The following ALMS1 variants were observed in gnomAD, a reference collection of about 807,000 sequenced individuals.
The protein encoded by ALMS1 is ALMS1 centrosome and basal body associated protein, also known as centrosome-associated protein ALMS1.
In ALMS1, 271 loss-of-function variants were observed where a neutral mutation model predicts 352.2. The observed-to-expected ratio is 0.77, with a 90% CI of 0.70 to 0.85. The LOEUF is 0.85. Ranked by LOEUF, ALMS1 falls within the 40% of genes least tolerant of loss-of-function variation. The pLI is 0.00. For missense variants in ALMS1, 5,445 were observed against 4,870.7 expected, an observed-to-expected ratio of 1.12 and a Z score of -3.51; for synonymous variants, 1,865 against 1,761.2, an observed-to-expected ratio of 1.06 and a Z score of -1.48.
At chr2:73,607,810 A>ATTTTTTTTTTTTTTTTT (rs537392249) in intron 21 of ALMS1, among the ~76,000 whole-genome samples, 1 of 131,488 alleles carries the variant, frequency 7.6e-6, no homozygotes, top group African/African-American at 2.8e-5. Context: ...TGCCCACCTA[A>ATTTTTTTTTTTTTTTTT]TTTTTTTTTT....
intron 2 of ALMS1, among the ~76,000 whole-genome samples, chr2:73,418,486 A>G (rs1389999903): frequency 6.6e-6 from 1 of 152,214 alleles, no homozygotes; most frequent in African/African-American, 2.4e-5. Flanking sequence ...CATCGCCGCC[A>G]CGAAGAAAGT....
chr2:73,419,406 A>G, intron 3 of ALMS1, 88 bp downstream of exon 3: 1 of 1,304,286 alleles, frequency 7.7e-7, no homozygotes, highest in African/African-American at 1.5e-5. Flanking sequence ...CCCCTTTTTG[A>G]GTTAAGGAGC....
At chr2:73,560,323 A>G (rs1298529454) in intron 15 of ALMS1, among the ~76,000 whole-genome samples, 2 of 152,232 alleles carry the variant, frequency 1.3e-5, no homozygotes, top group Non-Finnish European at 2.9e-5. Context: ...CATAAGAGAG[A>G]TGCAAATCAA....
intron 17 of ALMS1, among the ~76,000 whole-genome samples, chr2:73,600,396 A>T (rs1675650405): frequency 6.6e-6 from 1 of 152,176 alleles, no homozygotes; most frequent in African/African-American, 2.4e-5. Flanking sequence ...CTAACTTGGG[A>T]TCAGAGTTGA....
At chr2:73,473,436 C>T (rs556335057) in intron 9 of ALMS1, among the ~76,000 whole-genome samples, 4 of 151,958 alleles carry the variant, frequency 2.6e-5, no homozygotes, top group Non-Finnish European at 5.9e-5. Flanking sequence ...CAGCAAACTC[C>T]AGGGAAGGGG....
chr2:73,408,864 CTTTT>C (rs58686365), intron 2 of ALMS1, 117 bp downstream of exon 2: 1,069 of 187,482 alleles, frequency 5.7e-3, no homozygotes, highest in Middle Eastern at 9.0e-3. Context: ...GTTTTCTTGT[CTTTT>C]TTTTTTTTTT....
intron 1 of ALMS1, among the ~76,000 whole-genome samples, chr2:73,400,669 A>G (rs1670855674): frequency 6.6e-6 from 1 of 152,228 alleles, no homozygotes; most frequent in African/African-American, 2.4e-5. Context: ...TTGACAGATT[A>G]TCTTTTTTAA....
intron 9 of ALMS1, among the ~76,000 whole-genome samples, chr2:73,459,962 T>C (rs937406881): frequency 6.6e-6 from 1 of 152,164 alleles, no homozygotes; most frequent in African/African-American, 2.4e-5. Context: ...CCTGTTTCCT[T>C]ATCTATTACT....
chr2:73,597,827 C>T (rs1480223844), intron 16 of ALMS1, among the ~76,000 whole-genome samples: 1 of 151,756 alleles, frequency 6.6e-6, no homozygotes, highest in East Asian at 1.9e-4. Context: ...ATTCCTCCTG[C>T]CTAATGAGCA....
chr2:73,452,210 T>A lies in ALMS1; in HGVS notation c.5683T>A (p.Ser1895Thr), dbSNP rs1288519568. ...KTGIQIASSS[S>T]YSNREKASIF... is the part of the protein sequence containing the mutation. ...TGGGATACAAATAGCATCCTCTAGTTCCTACTCAAATAGAGAGAAGGCCAG... is the reference window on the plus strand; with the variant it reads ...TGGGATACAAATAGCATCCTCTAGTACCTACTCAAATAGAGAGAAGGCCAG... Residue 1895 changes from serine (S) to threonine (T), a missense_variant, in exon 8 of 23, where the codon TCC (serine) becomes ACC (threonine). Ser to Thr is a moderately conservative substitution (Grantham distance 58). Coordinates refer to ENST00000613296, the MANE Select transcript of ALMS1 (RefSeq NM_001378454.1). 5 of 1,614,010 alleles carry A rather than the reference T, an allele frequency of 3.1e-6. No homozygotes were observed. The African/African-American group carries it at 6.7e-5, about 22-fold the overall frequency.
intron 1 of ALMS1, among the ~76,000 whole-genome samples, chr2:73,388,859 G>A (rs1332068894): frequency 2.0e-5 from 3 of 151,724 alleles, no homozygotes; most frequent in African/African-American, 4.8e-5. Flanking sequence ...GTGATACTCC[G>A]CCTTGGCTTC....
chr2:73,598,395 A>G (rs931176554), intron 16 of ALMS1, among the ~76,000 whole-genome samples: 1 of 152,168 alleles, frequency 6.6e-6, no homozygotes, highest in Non-Finnish European at 1.5e-5. Context: ...GATGCATCCT[A>G]AATTTTACAT....
intron 10 of ALMS1, among the ~76,000 whole-genome samples, chr2:73,494,823 A>G (rs1453211363): frequency 1.3e-5 from 2 of 152,350 alleles, no homozygotes; most frequent in East Asian, 3.9e-4. Context: ...CTTTGGAGAT[A>G]CTAAACATTT....
chr2:73,499,092 T>A (rs1265759629), intron 10 of ALMS1, among the ~76,000 whole-genome samples: 1 of 152,172 alleles, frequency 6.6e-6, no homozygotes, highest in African/African-American at 2.4e-5. Context: ...TTTCTCCACG[T>A]CTTCACCAGC....
At chr2:73,538,033 G>A (rs760945648) in intron 12 of ALMS1, among the ~76,000 whole-genome samples, 8 of 151,618 alleles carry the variant, frequency 5.3e-5, no homozygotes, top group Non-Finnish European at 1.2e-4. Flanking sequence ...AAAAACAAAG[G>A]CAACAAAAGA....
intron 10 of ALMS1, among the ~76,000 whole-genome samples, chr2:73,516,491 A>ATATCAT (rs1673559204): frequency 6.6e-6 from 1 of 152,208 alleles, no homozygotes; most frequent in African/African-American, 2.4e-5. Context: ...AAACACATAT[A>ATATCAT]ATCAATATCA....
At chr2:73,488,844 A>G (rs1672912249) in intron 9 of ALMS1, among the ~76,000 whole-genome samples, 1 of 152,248 alleles carries the variant, frequency 6.6e-6, no homozygotes, top group South Asian at 2.1e-4. Flanking sequence ...TATTTATGGT[A>G]GCTTTGAGTA....
chr2:73,467,566 G>A (rs928928097), intron 9 of ALMS1, among the ~76,000 whole-genome samples: 2 of 152,056 alleles, frequency 1.3e-5, no homozygotes, highest in African/African-American at 4.8e-5. Flanking sequence ...TGGTAAACAT[G>A]CCTTACCTGG....
Position 73,534,809 on chromosome 2 carries a change from T to C in ALMS1, c.9782-15T>C. Reference sequence around the variant, plus strand: ...ATGTTTTTCATATTAATTGTTCTGATTTTTACCTCCTTAGGCCAGCCTTTA... The same window carrying C: ...ATGTTTTTCATATTAATTGTTCTGACTTTTACCTCCTTAGGCCAGCCTTTA... On this transcript the variant is annotated splice_polypyrimidine_tract_variant and intron_variant, in intron 11 of 22. Transcript: ENST00000613296. 1 of 1,612,312 alleles carries C rather than the reference T, an allele frequency of 6.2e-7. No homozygotes were observed.
Sources: gnomAD v4.1 joint callset for allele counts (sites outside exome capture counted in the v4.1 genomes callset) on GRCh38, gnomAD v4.1.1 for gene constraint, MANE v1.5 for transcripts, NCBI Gene and HGNC (gene_info 2026-07-23, HGNC 2026-07-21) for gene names.